ADGRB3: variants seen among roughly 807,000 people sequenced by gnomAD.
The protein encoded by ADGRB3 is brain-specific angiogenesis inhibitor 3.
ADGRB3 carries 37 observed loss-of-function variants against 193.4 expected under a neutral mutation model. That is an observed-to-expected ratio of 0.19 (90% CI 0.15 to 0.25). The LOEUF (loss-of-function observed/expected upper bound fraction) is 0.25. Among genes scored for constraint, ADGRB3 ranks in the 10% least tolerant of loss-of-function variants. ADGRB3 has a pLI of 1.00. For missense variants in ADGRB3, 1,637 were observed against 1,852.9 expected, an observed-to-expected ratio of 0.88 and a Z score of 2.14; for synonymous variants, 690 against 644.2, an observed-to-expected ratio of 1.07 and a Z score of -1.08.
intron 31 of ADGRB3, among the ~76,000 whole-genome samples, chr6:69,386,386 A>T (rs1314384246): frequency 6.6e-6 from 1 of 152,084 alleles, no homozygotes; most frequent in Non-Finnish European, 1.5e-5. Context: ...CAAACTAAGG[A>T]TTCCCAGAAA....
chr6:69,088,347 A>C (rs1772607708), intron 17 of ADGRB3, among the ~76,000 whole-genome samples: 1 of 152,088 alleles, frequency 6.6e-6, no homozygotes, highest in African/African-American at 2.4e-5. Flanking sequence ...ACAATAAAGC[A>C]ATCTTATGTG....
At chr6:68,924,616 CTATT>C (rs1767130598) in intron 3 of ADGRB3, among the ~76,000 whole-genome samples, 1 of 151,976 alleles carries the variant, frequency 6.6e-6, no homozygotes, top group African/African-American at 2.4e-5. Context: ...TGCCCTTTGA[CTATT>C]TCATGTTTTA....
intron 17 of ADGRB3, among the ~76,000 whole-genome samples, chr6:69,177,584 G>C (rs1775462047): frequency 6.6e-6 from 1 of 152,114 alleles, no homozygotes; most frequent in African/African-American, 2.4e-5. Flanking sequence ...TTGACCTCGT[G>C]ATCCACCCGC....
chr6:68,993,201 A>T (rs541568255), intron 10 of ADGRB3, among the ~76,000 whole-genome samples: 1,173 of 99,148 alleles, frequency 0.012, 11 homozygotes, highest in South Asian at 0.026. Context: ...GTTTTTTTTT[A>T]AAAAAAAAGC....
At chr6:69,063,797 T>C (rs1409184431) in intron 16 of ADGRB3, among the ~76,000 whole-genome samples, 3 of 152,034 alleles carry the variant, frequency 2.0e-5, no homozygotes. Context: ...AATGTCTACT[T>C]ATTATTTAAA....
At chr6:68,990,522 C>G (rs977443209) in intron 10 of ADGRB3, among the ~76,000 whole-genome samples, 1 of 152,128 alleles carries the variant, frequency 6.6e-6, no homozygotes, top group Admixed American at 6.6e-5. Context: ...CATAAGCCTT[C>G]TAAGCAGCTG....
chr6:68,985,360 C>A (rs370925479), intron 10 of ADGRB3, among the ~76,000 whole-genome samples: 85 of 152,222 alleles, frequency 5.6e-4, no homozygotes, highest in Admixed American at 1.4e-3. Flanking sequence ...TAGATTTTAT[C>A]CAGCGTTGAT....
intron 13 of ADGRB3, among the ~76,000 whole-genome samples, chr6:69,040,967 T>A (rs1348472985): frequency 6.6e-6 from 1 of 152,178 alleles, no homozygotes; most frequent in East Asian, 1.9e-4. Flanking sequence ...GTGAAGAATG[T>A]TTCCCATCTA....
intron 17 of ADGRB3, among the ~76,000 whole-genome samples, chr6:69,119,082 C>T (rs1005953460): frequency 1.6e-4 from 25 of 152,176 alleles, no homozygotes; most frequent in Non-Finnish European, 7.4e-5. Context: ...AGCAGCATTT[C>T]GAGTCCACCA....
At chr6:69,073,645 C>T (rs1026781304) in intron 16 of ADGRB3, among the ~76,000 whole-genome samples, 1 of 152,138 alleles carries the variant, frequency 6.6e-6, no homozygotes, top group Non-Finnish European at 1.5e-5. Flanking sequence ...TCCCAAGGCT[C>T]ACCCAACTGC....
At chr6:68,693,676 T>C (rs1765113470) in intron 3 of ADGRB3, among the ~76,000 whole-genome samples, 1 of 152,038 alleles carries the variant, frequency 6.6e-6, no homozygotes, top group Non-Finnish European at 1.5e-5. Context: ...GGTTTTAGGC[T>C]TATGAAAATT....
intron 3 of ADGRB3, among the ~76,000 whole-genome samples, chr6:68,704,054 A>T (rs1447185033): frequency 1.3e-5 from 2 of 152,212 alleles, no homozygotes; most frequent in African/African-American, 4.8e-5. Context: ...TCCCTAATAC[A>T]TGTTTATGAC....
At chr6:68,753,140 G>A (rs1401123855) in intron 3 of ADGRB3, among the ~76,000 whole-genome samples, 2 of 152,062 alleles carry the variant, frequency 1.3e-5, no homozygotes, top group Admixed American at 1.3e-4. Context: ...GGGATAGTGT[G>A]GTATAATACA....
chr6:69,213,911 A>G (rs1307293417), intron 17 of ADGRB3, among the ~76,000 whole-genome samples: 1 of 152,166 alleles, frequency 6.6e-6, no homozygotes, highest in Non-Finnish European at 1.5e-5. Context: ...ATATATTGTG[A>G]TTCCAAATAG....
chr6:69,136,986 C>G (rs141333700), intron 17 of ADGRB3, among the ~76,000 whole-genome samples: 1 of 151,056 alleles, frequency 6.6e-6, no homozygotes, highest in East Asian at 2.0e-4. Flanking sequence ...AAAATCGTAT[C>G]TTTTTCCAAT....
At chr6:69,100,993 A>G in intron 17 of ADGRB3, among the ~76,000 whole-genome samples, 2 of 120,016 alleles carry the variant, frequency 1.7e-5, no homozygotes, top group African/African-American at 3.1e-5. Flanking sequence ...GAAGGAAGGA[A>G]GGAAGGGAGG....
chr6:68,988,275 A>C (rs1400751650), intron 10 of ADGRB3, among the ~76,000 whole-genome samples: 1 of 152,170 alleles, frequency 6.6e-6, no homozygotes, highest in Non-Finnish European at 1.5e-5. Flanking sequence ...TGAGCCTGAA[A>C]ATAGAGATCA....
intron 20 of ADGRB3, among the ~76,000 whole-genome samples, chr6:69,262,015 C>G (rs1001614649): frequency 4.3e-4 from 65 of 152,056 alleles, no homozygotes; most frequent in African/African-American, 1.5e-3. Context: ...TTCTGTATCT[C>G]TTGTGAATAC....
intron 20 of ADGRB3, among the ~76,000 whole-genome samples, chr6:69,251,387 A>T (rs374757790): frequency 6.6e-6 from 1 of 152,048 alleles, no homozygotes; most frequent in Non-Finnish European, 1.5e-5. Context: ...TACAGCCATT[A>T]CTTTACTTTG....
Sources: allele counts gnomAD v4.1 joint callset (sites outside exome capture counted in the v4.1 genomes callset), GRCh38; gene constraint gnomAD v4.1.1; transcripts MANE v1.5; gene names NCBI Gene and HGNC (gene_info 2026-07-23, HGNC 2026-07-21).